Variants in DNASE2 observed in about 807,000 individuals in gnomAD.
The protein encoded by DNASE2 is deoxyribonuclease 2, lysosomal.
In DNASE2, 26 loss-of-function variants were observed where a neutral mutation model predicts 29.8. The ratio of observed to expected loss-of-function variants is 0.87; its 90% confidence interval spans 0.64 to 1.21. The LOEUF is 1.21. Ranked by LOEUF, DNASE2 falls within the 50% of genes most tolerant of loss-of-function variation. The pLI is 0.00. For synonymous variants in DNASE2, 186 were observed against 193.5 expected (o/e 0.96, Z 0.32); for missense variants, 415 against 455.6 (o/e 0.91, Z 0.81).
intron 3 of DNASE2, 71 bp downstream of exon 3, chr19:12,880,731 C>G: frequency 6.3e-7 from 1 of 1,594,224 alleles, no homozygotes; most frequent in Non-Finnish European, 8.6e-7. Context: ...CCCGACCACC[C>G]CATGCACGTC....
chr19:12,880,024 G>T (rs921438015), intron 3 of DNASE2, among the ~76,000 whole-genome samples: 2 of 143,228 alleles, frequency 1.4e-5, no homozygotes, highest in African/African-American at 5.2e-5. Context: ...AGAATCGCTT[G>T]AACTGGGGAG....
chr19:12,881,331 C>A lies in DNASE2; in HGVS notation c.45G>T (p.Gly15=). The part of the protein sequence containing the change: ...LLAALLCVPA[G]ALTCYGDSGQ... ...CGGAGTCCCCGTAGCAGGTCAGGGC[C>A]CCGGCGGGGACGCACAGCAGCGCTG... Residue 15 remains glycine (G), a synonymous_variant, in exon 1 of 6, where the codon GGG becomes GGT. Coordinates refer to ENST00000222219, the MANE Select transcript of DNASE2 (RefSeq NM_001375.3). 6.4e-7 allele frequency: 1 copy of A among 1,569,740 alleles called. No homozygotes were observed. The highest frequency in any genetic ancestry group is 8.6e-7 in the Non-Finnish European group (1 of 1,158,426).
At position 12,879,222 on chromosome 19, in the gene DNASE2, G is replaced by T. The variant is rs145823271; in HGVS notation, c.347-388C>A. 7.3e-5 allele frequency among the ~76,000 whole-genome samples: 11 copies of T among 150,552 alleles called. No individual in the cohort carries two copies. The East Asian group carries it at 1.6e-3, about 22-fold the overall frequency. On this transcript the variant is annotated intron_variant, in intron 3 of 5. Transcript: ENST00000222219. ...TTTAAAAAAAGAAGGCAGGCCCCACGCAGTGTAATCCCAGCACTTTGGGAA... is the reference window on the plus strand; with the variant it reads ...TTTAAAAAAAGAAGGCAGGCCCCACTCAGTGTAATCCCAGCACTTTGGGAA...
At chr19:12,881,212 C>T in intron 1 of DNASE2, 60 bp from the exon 2 acceptor site, 3 of 1,610,860 alleles carry the variant, frequency 1.9e-6, no homozygotes, top group South Asian at 1.1e-5. Flanking sequence ...CCCAGGGTTC[C>T]CCGAGGAGGT....
chr19:12,880,920 A>G, intron 2 of DNASE2, 40 bp from the exon 3 acceptor site: 1 of 1,614,216 alleles, frequency 6.2e-7, no homozygotes, highest in South Asian at 1.1e-5. Flanking sequence ...AATTCCTCCC[A>G]GGCAGGGCAG....
chr19:12,876,036 G>A lies in DNASE2; in HGVS notation c.1037C>T (p.Pro346Leu), dbSNP rs757285995. 14 of 1,613,782 alleles carry A rather than the reference G, an allele frequency of 8.7e-6. No individual in the cohort carries two copies. In the Admixed American group the frequency reaches 2.2e-4, roughly 25 times the overall value. ...GGGCTTCCTGGCCATGCCATTACAG[G>A]GCTGGTAGTTCTTCACCAGCGGCTG... is the stretch of plus-strand genomic sequence containing the variant. Reference protein sequence around the residue: ...AFQPLVKNYQPCNGMARKPSR... With the variant: ...AFQPLVKNYQLCNGMARKPSR... Residue 346 changes from proline (P) to leucine (L), a missense_variant, in exon 6 of 6, where the codon CCC becomes CTC. Coordinates refer to ENST00000222219, the MANE Select transcript of DNASE2 (RefSeq NM_001375.3).
Position 12,875,866 on chromosome 19 carries a change from A to C in DNASE2, c.*124T>G. The C allele has an allele frequency of 2.1e-5, 26 of 1,264,228 alleles. No homozygotes were observed. Among genetic ancestry groups the C allele is most frequent in the Non-Finnish European group, 2.6e-5 (24 of 913,912 alleles). The allele number at this position is 1,264,228 out of a possible 1,614,324, so 78.3% of individuals were successfully genotyped here. A position where few individuals can be genotyped will look rare whatever the true frequency, so the allele number is the denominator to read the frequency against. ...TGGCTAACTTTTTTTAAGTTCTAGTAGAGATGTGGTCTCACTATGTAGCCC... is the reference window on the plus strand; with the variant it reads ...TGGCTAACTTTTTTTAAGTTCTAGTCGAGATGTGGTCTCACTATGTAGCCC... On this transcript the variant is annotated 3_prime_UTR_variant, in exon 6 of 6. Transcript: ENST00000222219.
chr19:12,876,138 A>G lies in DNASE2; in HGVS notation c.935T>C (p.Met312Thr), dbSNP rs754678759. The G allele has an allele frequency of 8.1e-6, 13 of 1,614,048 alleles. No homozygotes were observed. Among genetic ancestry groups the G allele is most frequent in the Admixed American group, 1.7e-5 (1 of 59,996 alleles). Reference sequence around the variant, plus strand: ...TTGCTCCTCTCCCTGGTTCCGATTCATGTCACCCACGCAGGTCCAGGGCCC... The same window carrying G: ...TTGCTCCTCTCCCTGGTTCCGATTCGTGTCACCCACGCAGGTCCAGGGCCC... ...PKGPWTCVGDMNRNQGEEQRG... is the reference protein window; with the variant it reads ...PKGPWTCVGDTNRNQGEEQRG... Residue 312 changes from methionine to threonine, a missense_variant, in exon 6 of 6, where the codon ATG (methionine) becomes ACG (threonine). Coordinates refer to ENST00000222219, the MANE Select transcript of DNASE2 (RefSeq NM_001375.3).
rs562700068 is a variant in DNASE2 at position 12,881,329 on chromosome 19, G to T, written c.47C>A (p.Ala16Asp). The T allele has an allele frequency of 2.8e-5, 44 of 1,570,068 alleles. No individual in the cohort carries two copies. The African/African-American group carries it at 5.6e-4, about 20-fold the overall frequency. The change falls in exon 1 of 6, where the codon GCC becomes GAC. Residue 16 changes from alanine to aspartate, a missense_variant. Coordinates refer to ENST00000222219, the MANE Select transcript of DNASE2 (RefSeq NM_001375.3). ...LAALLCVPAG[A>D]LTCYGDSGQP... is the part of the protein sequence containing the mutation. The stretch of plus-strand genomic sequence containing the variant: ...CCCGGAGTCCCCGTAGCAGGTCAGG[G>T]CCCCGGCGGGGACGCACAGCAGCGC...
chr19:12,875,856 A>T lies in DNASE2; in HGVS notation c.*134T>A. Reference sequence around the variant, plus strand: ...TCACCGTGCCTGGCTAACTTTTTTTAAGTTCTAGTAGAGATGTGGTCTCAC... The same window carrying T: ...TCACCGTGCCTGGCTAACTTTTTTTTAGTTCTAGTAGAGATGTGGTCTCAC... On this transcript the variant is annotated 3_prime_UTR_variant, in exon 6 of 6. Transcript: ENST00000222219. 1 of 1,174,280 alleles carries T rather than the reference A, an allele frequency of 8.5e-7. No individual in the cohort carries two copies. Among genetic ancestry groups the T allele is most frequent in the Non-Finnish European group, 1.2e-6 (1 of 848,502 alleles). The allele number at this position is 1,174,280 out of a possible 1,614,324, so 72.7% of individuals were successfully genotyped here.
intron 4 of DNASE2, 44 bp downstream of exon 4, chr19:12,878,626 G>T: frequency 6.2e-7 from 1 of 1,613,902 alleles, no homozygotes; most frequent in Non-Finnish European, 8.5e-7. Flanking sequence ...CCAGGTTCTG[G>T]TCAGTAAACC....
chr19:12,875,965 G>A lies in DNASE2; in HGVS notation c.*25C>T, dbSNP rs1438757057. On this transcript the variant is annotated 3_prime_UTR_variant, in exon 6 of 6. Coordinates refer to ENST00000222219, the MANE Select transcript of DNASE2 (RefSeq NM_001375.3). ...CCCAAAGTGCTGGGATTACATACGT[G>A]AGCCACTGCACCTGGCCATAAGGGT... is the stretch of plus-strand genomic sequence containing the variant. 24 of 1,611,042 alleles carry A rather than the reference G, an allele frequency of 1.5e-5. No homozygotes were observed. Among genetic ancestry groups the A allele is most frequent in the Middle Eastern group, 2.0e-4 (1 of 4,904 alleles).
chr19:12,881,314 C>A lies in DNASE2; in HGVS notation c.62G>T (p.Gly21Val). Residue 21 changes from glycine (G) to valine (V), a missense_variant, in exon 1 of 6, where the codon GGG becomes GTG. Coordinates refer to ENST00000222219, the MANE Select transcript of DNASE2 (RefSeq NM_001375.3). ...CCAGTCTACAGGCTGCCCGGAGTCC[C>A]CGTAGCAGGTCAGGGCCCCGGCGGG... ...CVPAGALTCYGDSGQPVDWFV... is the reference protein window; with the variant it reads ...CVPAGALTCYVDSGQPVDWFV... The A allele has an allele frequency of 1.3e-6, 2 of 1,571,798 alleles. No homozygotes were observed. Among genetic ancestry groups the A allele is most frequent in the East Asian group, 4.8e-5 (2 of 42,020 alleles).
chr19:12,878,291 G>A, intron 5 of DNASE2, 91 bp downstream of exon 5: 1 of 1,507,584 alleles, frequency 6.6e-7, no homozygotes. Flanking sequence ...AACAGACCTG[G>A]TCTCTACCGC....
Position 12,878,814 on chromosome 19 carries a change from C to A in DNASE2, c.367G>T (p.Asp123Tyr). 2 of 1,613,356 alleles carry A rather than the reference C, an allele frequency of 1.2e-6. No individual in the cohort carries two copies. The highest frequency in any genetic ancestry group is 1.7e-6 in the Non-Finnish European group (2 of 1,179,844). ...CTGTGGACCAGCCAGAAGCCCCCAT[C>A]GTGGTCAAGGAGCAGGACACCTGGA... ...HTKGVLLLDHDGGFWLVHSVP... is the reference protein window; with the variant it reads ...HTKGVLLLDHYGGFWLVHSVP... The change falls in exon 4 of 6, where the codon GAT (aspartate) becomes TAT (tyrosine). Residue 123 changes from aspartate (D) to tyrosine (Y), a missense_variant. Physicochemically the swap from Asp to Tyr is radical, Grantham distance 160. Coordinates refer to ENST00000222219, the MANE Select transcript of DNASE2 (RefSeq NM_001375.3).
In DNASE2 at chr19:12,878,499, C is replaced by G. The variant is rs772044130; in HGVS notation, c.592G>C (p.Glu198Gln). ...ACGTGGTGGCCCTTGACCACATTCT[C>G]CAAGTCGGGGAATTCCTGGGCAAAG... The part of the protein sequence containing the change: ...GIFAQEFPDL[E>Q]NVVKGHHVSQ... The change falls in exon 5 of 6, where the codon GAG (glutamate) becomes CAG (glutamine). Residue 198 changes from glutamate to glutamine, a missense_variant. Physicochemically the swap from Glu to Gln is conservative, Grantham distance 29. Transcript: ENST00000222219. 6.2e-7 allele frequency: 1 copy of G among 1,614,114 alleles called. No homozygotes were observed. The highest frequency in any genetic ancestry group is 1.1e-5 in the South Asian group (1 of 91,078).
chr19:12,875,916 C>T lies in DNASE2; in HGVS notation c.*74G>A. The stretch of plus-strand genomic sequence containing the variant: ...CAGGCTGGTCTCGAATTCCTGAGTT[C>T]AAGTGATCCTCCCTCCTTGGCTTCC... On this transcript the variant is annotated 3_prime_UTR_variant, in exon 6 of 6. Coordinates refer to ENST00000222219, the MANE Select transcript of DNASE2 (RefSeq NM_001375.3). 6.3e-7 allele frequency: 1 copy of T among 1,586,554 alleles called. No homozygotes were observed. The highest frequency in any genetic ancestry group is 1.1e-5 in the South Asian group (1 of 89,092).
intron 3 of DNASE2, among the ~76,000 whole-genome samples, chr19:12,879,507 C>T (rs1453983001): frequency 7.3e-6 from 1 of 137,138 alleles, no homozygotes; most frequent in African/African-American, 2.7e-5. Context: ...AAAAAAAAGG[C>T]AATTAGAGGG....
chr19:12,877,470 G>T (rs916242364), intron 5 of DNASE2, among the ~76,000 whole-genome samples: 1 of 152,058 alleles, frequency 6.6e-6, no homozygotes, highest in Non-Finnish European at 1.5e-5. Context: ...AAACTCCTGG[G>T]CTCAAGCAAT....
Sources: gnomAD v4.1 joint callset for allele counts (sites outside exome capture counted in the v4.1 genomes callset) on GRCh38, gnomAD v4.1.1 for gene constraint, MANE v1.5 for transcripts, NCBI Gene and HGNC (gene_info 2026-07-23, HGNC 2026-07-21) for gene names.